Variants in CYSLTR2 observed in about 807,000 individuals in gnomAD.
CYSLTR2 encodes the protein G-protein coupled receptor GPCR21.
For synonymous variants in CYSLTR2, 179 were observed against 160.8 expected (o/e 1.11, Z -0.86); for missense variants, 398 against 411.9 (o/e 0.97, Z 0.29).
intron 2 of CYSLTR2, among the ~76,000 whole-genome samples, chr13:48,692,850 T>C (rs1294931564): frequency 6.6e-6 from 1 of 151,578 alleles, no homozygotes; most frequent in Non-Finnish European, 1.5e-5. Context: ...GGAATTTGCA[T>C]GTTTTGTTAA....
intron 4 of CYSLTR2, among the ~76,000 whole-genome samples, chr13:48,705,074 T>A (rs1178575397): frequency 6.6e-6 from 1 of 152,212 alleles, no homozygotes; most frequent in Non-Finnish European, 1.5e-5. Flanking sequence ...TTCAGTTTTA[T>A]CAGTTTTGCT....
chr13:48,699,915 C>A (rs923669040), intron 4 of CYSLTR2, among the ~76,000 whole-genome samples: 3 of 152,144 alleles, frequency 2.0e-5, no homozygotes, highest in African/African-American at 7.2e-5. Context: ...ACTAGAAAAT[C>A]TAGAAGAAAT....
rs1269993456 is a variant in CYSLTR2, at chr13:48,709,326, A to C, written c.*1468A>C. On this transcript the variant is annotated 3_prime_UTR_variant, in exon 5 of 5. Transcript: ENST00000682523. The stretch of plus-strand genomic sequence containing the variant: ...AGGGTGGAGGTGATATGGCATTCTG[A>C]AAGTAGGGAGGGACTAAGTCAGTCA... 1 of 167,084 alleles carries C rather than the reference A, an allele frequency of 6.0e-6. No homozygotes were observed. Among genetic ancestry groups the C allele is most frequent in the East Asian group, 1.9e-4 (1 of 5,190 alleles). The allele number at this position is 167,084 out of a possible 1,614,324, so 10.4% of individuals were successfully genotyped here. A position where few individuals can be genotyped will look rare whatever the true frequency, so the allele number is the denominator to read the frequency against.
intron 1 of CYSLTR2, among the ~76,000 whole-genome samples, chr13:48,674,406 C>T (rs767301775): frequency 4.6e-5 from 7 of 152,078 alleles, no homozygotes; most frequent in Non-Finnish European, 1.0e-4. Context: ...TCCATTTGAT[C>T]GATTCTGCTA....
chr13:48,669,816 T>C (rs1181683953), intron 1 of CYSLTR2, among the ~76,000 whole-genome samples: 2 of 152,234 alleles, frequency 1.3e-5, no homozygotes, highest in African/African-American at 2.4e-5. Context: ...CTGGATTGAA[T>C]GGTATTTCTG....
intron 1 of CYSLTR2, among the ~76,000 whole-genome samples, chr13:48,690,036 T>A (rs1028459407): frequency 2.0e-5 from 3 of 152,192 alleles, no homozygotes; most frequent in Non-Finnish European, 4.4e-5. Context: ...GGGAGTTCAC[T>A]CATGATTTAG....
rs1443498144 is a variant in CYSLTR2 at position 48,709,494 on chromosome 13, C to T, written c.*1636C>T. 1 of 157,136 alleles carries T rather than the reference C, an allele frequency of 6.4e-6. No individual in the cohort carries two copies. Among genetic ancestry groups the T allele is most frequent in the Non-Finnish European group, 1.5e-5 (1 of 68,052 alleles). 9.7% of individuals were successfully genotyped at this position (157,136 alleles called of 1,614,324 possible). Reference sequence around the variant, plus strand: ...AATCTGAAAAAAAGGCTGACAGATACAAATAGTTGAGGATCCTTCAACACA... The same window carrying T: ...AATCTGAAAAAAAGGCTGACAGATATAAATAGTTGAGGATCCTTCAACACA... On this transcript the variant is annotated 3_prime_UTR_variant, in exon 5 of 5. Coordinates refer to ENST00000682523, the MANE Select transcript of CYSLTR2 (RefSeq NM_001308476.3).
chr13:48,699,014 T>C (rs958047822), intron 4 of CYSLTR2, among the ~76,000 whole-genome samples: 25 of 152,252 alleles, frequency 1.6e-4, no homozygotes, highest in Non-Finnish European at 2.8e-4. Context: ...GCACCCAGAT[T>C]CATAAAGCAA....
intron 1 of CYSLTR2, among the ~76,000 whole-genome samples, chr13:48,681,368 C>A (rs554340832): frequency 5.1e-4 from 78 of 152,284 alleles, no homozygotes; most frequent in African/African-American, 1.5e-3. Flanking sequence ...TGAGTCTCTG[C>A]GCTCAAGGCT....
At chr13:48,683,577 C>A (rs552152194) in intron 1 of CYSLTR2, among the ~76,000 whole-genome samples, 8 of 151,662 alleles carry the variant, frequency 5.3e-5, no homozygotes, top group Admixed American at 3.9e-4. Context: ...TACTTTTTAA[C>A]GGAGTTTTTT....
At chr13:48,700,091 C>T (rs1031281964) in intron 4 of CYSLTR2, among the ~76,000 whole-genome samples, 4 of 152,180 alleles carry the variant, frequency 2.6e-5, no homozygotes, top group Non-Finnish European at 5.9e-5. Flanking sequence ...ACCAGAGGTA[C>T]AAAGAGGAGC....
At chr13:48,661,192 T>A (rs2138810785) in intron 1 of CYSLTR2, among the ~76,000 whole-genome samples, 1 of 152,242 alleles carries the variant, frequency 6.6e-6, no homozygotes, top group African/African-American at 2.4e-5. Context: ...GCTCAAGCGA[T>A]CTTCCTGCCT....
At chr13:48,697,894 G>A (rs180791189) in intron 4 of CYSLTR2, among the ~76,000 whole-genome samples, 1 of 152,298 alleles carries the variant, frequency 6.6e-6, no homozygotes, top group African/African-American at 2.4e-5. Context: ...TAGCTGATTT[G>A]ATCAAGTGGA....
chr13:48,667,381 G>T (rs371388433), intron 1 of CYSLTR2, among the ~76,000 whole-genome samples: 1 of 152,206 alleles, frequency 6.6e-6, no homozygotes, highest in Non-Finnish European at 1.5e-5. Context: ...CAGTCAGCCT[G>T]GGGGGTGGAG....
intron 1 of CYSLTR2, among the ~76,000 whole-genome samples, chr13:48,684,789 A>G (rs888539849): frequency 8.5e-5 from 13 of 152,204 alleles, no homozygotes; most frequent in Non-Finnish European, 1.9e-4. Flanking sequence ...CATACTGGAT[A>G]TGGTGGACCC....
chr13:48,661,003 G>A (rs2138810058), intron 1 of CYSLTR2, among the ~76,000 whole-genome samples: 1 of 152,306 alleles, frequency 6.6e-6, no homozygotes, highest in Admixed American at 6.5e-5. Context: ...TCCAGGCCCT[G>A]ACCTAAGTGC....
rs1451904238 is a variant in CYSLTR2 at position 48,710,013 on chromosome 13, G to A, written c.*2155G>A. On this transcript the variant is annotated 3_prime_UTR_variant, in exon 5 of 5. Transcript: ENST00000682523. Reference sequence around the variant, plus strand: ...CGTAAATACATAGAAAAATAAGCAAGTAAAAACGCAATACAGTTTTTAAGT... The same window carrying A: ...CGTAAATACATAGAAAAATAAGCAAATAAAAACGCAATACAGTTTTTAAGT... The A allele has an allele frequency of 6.6e-6, 1 of 152,132 alleles. No individual in the cohort carries two copies. Among genetic ancestry groups the A allele is most frequent in the Non-Finnish European group, 1.5e-5 (1 of 68,020 alleles). 9.4% of individuals were successfully genotyped at this position (152,132 alleles called of 1,614,324 possible). A position where few individuals can be genotyped will look rare whatever the true frequency, so the allele number is the denominator to read the frequency against.
rs950421438 is a variant in CYSLTR2, at chr13:48,709,654, A to G, written c.*1796A>G. On this transcript the variant is annotated 3_prime_UTR_variant, in exon 5 of 5. Coordinates refer to ENST00000682523, the MANE Select transcript of CYSLTR2 (RefSeq NM_001308476.3). Reference sequence around the variant, plus strand: ...GAAAAGTAGTCAATGAACACAATACATTTGAGGGAAAGGCCGTAACATGAA... The same window carrying G: ...GAAAAGTAGTCAATGAACACAATACGTTTGAGGGAAAGGCCGTAACATGAA... 1 of 152,216 alleles carries G rather than the reference A, an allele frequency of 6.6e-6. No individual in the cohort carries two copies. Among genetic ancestry groups the G allele is most frequent in the South Asian group, 2.1e-4 (1 of 4,834 alleles). 9.4% of individuals were successfully genotyped at this position (152,216 alleles called of 1,614,324 possible). A position where few individuals can be genotyped will look rare whatever the true frequency, so the allele number is the denominator to read the frequency against.
rs946073662 is a variant in CYSLTR2 at position 48,709,854 on chromosome 13, G to A, written c.*1996G>A. The A allele has an allele frequency of 6.6e-6, 1 of 152,192 alleles. No homozygotes were observed. Among genetic ancestry groups the A allele is most frequent in the African/African-American group, 2.4e-5 (1 of 41,442 alleles). 9.4% of individuals were successfully genotyped at this position (152,192 alleles called of 1,614,324 possible). A position where few individuals can be genotyped will look rare whatever the true frequency, so the allele number is the denominator to read the frequency against. On this transcript the variant is annotated 3_prime_UTR_variant, in exon 5 of 5. Coordinates refer to ENST00000682523, the MANE Select transcript of CYSLTR2 (RefSeq NM_001308476.3). ...TGTTGGTGTGTAGCAGGCTTAGAAAGCAAGTCATTCATGTTGGAGCAGGAC... is the reference window on the plus strand; with the variant it reads ...TGTTGGTGTGTAGCAGGCTTAGAAAACAAGTCATTCATGTTGGAGCAGGAC...
Sources: gnomAD v4.1 joint callset for allele counts (sites outside exome capture counted in the v4.1 genomes callset) on GRCh38, gnomAD v4.1.1 for gene constraint, MANE v1.5 for transcripts, NCBI Gene and HGNC (gene_info 2026-07-23, HGNC 2026-07-21) for gene names.